The following AKT3 variants were observed in gnomAD, a reference collection of about 807,000 sequenced individuals.
The protein encoded by AKT3 is AKT serine/threonine kinase 3.
A neutral mutation model predicts 65.3 loss-of-function variants in AKT3; 15 were observed. That is an observed-to-expected ratio of 0.23 (90% confidence interval 0.15 to 0.35). The LOEUF (loss-of-function observed/expected upper bound fraction) is 0.35, where lower values mean the gene tolerates loss of function less well. Among genes scored for constraint, AKT3 ranks in the 10% least tolerant of loss-of-function variants. The pLI, the probability that AKT3 is intolerant of heterozygous loss-of-function variation, is 1.00. For synonymous variants in AKT3, 206 were observed against 183.8 expected, an observed-to-expected ratio of 1.12 and a Z score of -0.98; for missense variants, 243 against 576.5, an observed-to-expected ratio of 0.42 and a Z score of 5.92.
chr1:243,819,433 G>A (rs1693724866), intron 2 of AKT3, among the ~76,000 whole-genome samples: 1 of 152,196 alleles, frequency 6.6e-6, no homozygotes, highest in African/African-American at 2.4e-5. Flanking sequence ...TCACTGGGCA[G>A]GGCCTCCCTG....
chr1:243,632,103 C>G (rs192078433), intron 6 of AKT3, among the ~76,000 whole-genome samples: 1 of 152,214 alleles, frequency 6.6e-6, no homozygotes, highest in Admixed American at 6.5e-5. Flanking sequence ...TTTTTCAAGG[C>G]ATCTAGAATG....
chr1:243,763,352 T>G (rs991750682), intron 2 of AKT3, among the ~76,000 whole-genome samples: 3 of 152,128 alleles, frequency 2.0e-5, no homozygotes, highest in Non-Finnish European at 4.4e-5. Context: ...ATCATAACTA[T>G]GTAATAATAC....
chr1:243,783,152 C>A (rs979783820), intron 2 of AKT3, among the ~76,000 whole-genome samples: 1 of 126,074 alleles, frequency 7.9e-6, no homozygotes, highest in South Asian at 2.5e-4. Flanking sequence ...ATGAAGTGAA[C>A]TGGTGAGTGG....
At chr1:243,773,830 C>T (rs543629083) in intron 2 of AKT3, among the ~76,000 whole-genome samples, 1 of 152,296 alleles carries the variant, frequency 6.6e-6, no homozygotes, top group African/African-American at 2.4e-5. Flanking sequence ...CTATAAATAT[C>T]TCCCCTAACA....
chr1:243,747,813 T>C (rs530041682), intron 2 of AKT3, among the ~76,000 whole-genome samples: 5 of 152,292 alleles, frequency 3.3e-5, no homozygotes, highest in Admixed American at 6.5e-5. Flanking sequence ...ACTTAAGACA[T>C]AGTATAGGTT....
chr1:243,700,668 C>A (rs1685391896), intron 2 of AKT3, among the ~76,000 whole-genome samples: 2 of 151,936 alleles, frequency 1.3e-5, no homozygotes, highest in South Asian at 4.1e-4. Flanking sequence ...CACACCCACC[C>A]ATTTTTTGTA....
intron 12 of AKT3, among the ~76,000 whole-genome samples, chr1:243,523,268 C>T (rs1342486593): frequency 2.1e-5 from 3 of 144,114 alleles, no homozygotes; most frequent in Admixed American, 2.1e-4. Flanking sequence ...CGAACACACA[C>T]ACACACACAC....
At chr1:243,575,810 G>A (rs550953595) in intron 8 of AKT3, among the ~76,000 whole-genome samples, 8 of 152,044 alleles carry the variant, frequency 5.3e-5, no homozygotes, top group Admixed American at 5.2e-4. Flanking sequence ...ACACAGCCTA[G>A]GACAGTACCT....
At chr1:243,762,018 A>G (rs1689527233) in intron 2 of AKT3, among the ~76,000 whole-genome samples, 1 of 152,078 alleles carries the variant, frequency 6.6e-6, no homozygotes. Context: ...TGGTCAGGAT[A>G]CCTGGCAACT....
chr1:243,746,431 C>T (rs1054595221), intron 2 of AKT3, among the ~76,000 whole-genome samples: 2 of 152,136 alleles, frequency 1.3e-5, no homozygotes, highest in Non-Finnish European at 2.9e-5. Flanking sequence ...ATACTTGATA[C>T]AGCCAGTTAA....
intron 2 of AKT3, among the ~76,000 whole-genome samples, chr1:243,820,828 G>A (rs1486535869): frequency 6.6e-6 from 1 of 152,130 alleles, no homozygotes; most frequent in African/African-American, 2.4e-5. Context: ...TGAAAGAGAT[G>A]GGGAAAATGG....
intron 3 of AKT3, among the ~76,000 whole-genome samples, 195 bp downstream of exon 3, chr1:243,695,394 CTA>C (rs1343162348): frequency 4.6e-5 from 7 of 152,040 alleles, no homozygotes; most frequent in Middle Eastern, 6.8e-3. Context: ...ATATTAAACT[CTA>C]TTGCATTGTA....
At chr1:243,546,159 G>C (rs1026508624) in intron 11 of AKT3, among the ~76,000 whole-genome samples, 3 of 152,156 alleles carry the variant, frequency 2.0e-5, no homozygotes, top group African/African-American at 7.2e-5. Flanking sequence ...CCCTGCACAT[G>C]CCCTTGCCTG....
At chr1:243,676,794 T>C (rs1683553509) in intron 3 of AKT3, among the ~76,000 whole-genome samples, 2 of 152,170 alleles carry the variant, frequency 1.3e-5, no homozygotes, top group African/African-American at 2.4e-5. Context: ...ATCATCCTTT[T>C]TTTGTCCACT....
At chr1:243,549,601 T>C (rs888620318) in intron 11 of AKT3, among the ~76,000 whole-genome samples, 20 of 152,154 alleles carry the variant, frequency 1.3e-4, no homozygotes, top group African/African-American at 4.6e-4. Flanking sequence ...CATTTTATTT[T>C]TTTTTAGTAG....
chr1:243,521,181 T>C (rs559741773), intron 12 of AKT3, among the ~76,000 whole-genome samples: 1 of 152,334 alleles, frequency 6.6e-6, no homozygotes, highest in African/African-American at 2.4e-5. Context: ...TGTGGTATCT[T>C]AATTGCCTTA....
intron 6 of AKT3, among the ~76,000 whole-genome samples, chr1:243,625,469 A>G (rs1233018784): frequency 6.6e-6 from 1 of 152,124 alleles, no homozygotes; most frequent in African/African-American, 2.4e-5. Context: ...AAATGAAAGT[A>G]AGAGAGAGTG....
At chr1:243,564,033 T>C (rs1673983437) in intron 9 of AKT3, among the ~76,000 whole-genome samples, 185 bp from the exon 10 acceptor site, 1 of 152,210 alleles carries the variant, frequency 6.6e-6, no homozygotes, top group Admixed American at 6.5e-5. Context: ...TTTTATCAAA[T>C]ACTTCACGAT....
chr1:243,731,843 A>T lies in AKT3; in HGVS notation c.47-36127T>A, dbSNP rs145512351. Among the ~76,000 whole-genome samples, 189 of 152,298 alleles carry T rather than the reference A, an allele frequency of 1.2e-3. 1 individual carries two copies. Among genetic ancestry groups the T allele is most frequent in the African/African-American group, 4.3e-3 (179 of 41,568 alleles). On this transcript the variant is annotated intron_variant, in intron 2 of 13. Coordinates refer to ENST00000673466, the MANE Select transcript of AKT3 (RefSeq NM_005465.7). Reference sequence around the variant, plus strand: ...TATAATTTCAGGATTATGATATTGTACTTATAGAGCTTTGAAGAGGATAAA... The same window carrying T: ...TATAATTTCAGGATTATGATATTGTTCTTATAGAGCTTTGAAGAGGATAAA...
Sources: allele counts gnomAD v4.1 joint callset (sites outside exome capture counted in the v4.1 genomes callset), GRCh38; gene constraint gnomAD v4.1.1; transcripts MANE v1.5; gene names NCBI Gene and HGNC (gene_info 2026-07-23, HGNC 2026-07-21).